Variants in BICC1 observed in about 807,000 individuals in gnomAD.
The protein encoded by BICC1 is protein bicaudal C homolog 1.
Under a neutral mutation model 111.0 loss-of-function variants are expected in BICC1, and 43 were observed. The observed-to-expected ratio is 0.39, with a 90% CI of 0.30 to 0.50. The LOEUF is 0.50. BICC1 is among the 20% of genes least tolerant of loss of function. BICC1 has a pLI of 0.88. For synonymous variants in BICC1, 467 were observed against 434.4 expected (o/e 1.07, Z -0.93); for missense variants, 1,091 against 1,203.2 (o/e 0.91, Z 1.38).
intron 2 of BICC1, among the ~76,000 whole-genome samples, chr10:58,679,570 G>C (rs1839450878): frequency 6.6e-6 from 1 of 152,084 alleles, no homozygotes; most frequent in Non-Finnish European, 1.5e-5. Flanking sequence ...AAAAAGCCCA[G>C]GACCAGATGG....
chr10:58,758,013 A>G (rs1842193015), intron 3 of BICC1, among the ~76,000 whole-genome samples: 1 of 152,218 alleles, frequency 6.6e-6, no homozygotes, highest in South Asian at 2.1e-4. Flanking sequence ...GCCATTCTGC[A>G]TAAGACATAA....
At chr10:58,612,621 A>C (rs1845467580) in intron 1 of BICC1, among the ~76,000 whole-genome samples, 2 of 150,432 alleles carry the variant, frequency 1.3e-5, no homozygotes, top group Admixed American at 6.6e-5. Context: ...AAAAAGATGG[A>C]GAGGAATGCC....
chr10:58,557,796 A>G (rs1431296502), intron 1 of BICC1, among the ~76,000 whole-genome samples: 1 of 152,058 alleles, frequency 6.6e-6, no homozygotes, highest in African/African-American at 2.4e-5. Context: ...CTGTTATTCT[A>G]ACATGTAACA....
intron 3 of BICC1, among the ~76,000 whole-genome samples, chr10:58,770,556 A>T (rs1842596221): frequency 1.3e-5 from 2 of 152,156 alleles, no homozygotes; most frequent in African/African-American, 4.8e-5. Flanking sequence ...CTTTATGAGG[A>T]TGGTACCAAC....
chr10:58,825,623 G>C (rs1313364849), intron 20 of BICC1, among the ~76,000 whole-genome samples: 1 of 152,234 alleles, frequency 6.6e-6, no homozygotes, highest in Admixed American at 6.5e-5. Flanking sequence ...GTTATATACA[G>C]TACTGCTGTA....
intron 19 of BICC1, among the ~76,000 whole-genome samples, chr10:58,819,400 C>T (rs914521838): frequency 6.6e-6 from 1 of 152,060 alleles, no homozygotes; most frequent in Non-Finnish European, 1.5e-5. Flanking sequence ...AAAAGTTTTA[C>T]CTGTTTATGG....
intron 2 of BICC1, among the ~76,000 whole-genome samples, chr10:58,656,427 G>T (rs920128155): frequency 2.0e-5 from 3 of 150,600 alleles, no homozygotes; most frequent in African/African-American, 7.3e-5. Flanking sequence ...TATCCTTGAT[G>T]AACATTGATG....
intron 15 of BICC1, among the ~76,000 whole-genome samples, chr10:58,803,837 C>T (rs551926790): frequency 6.6e-6 from 1 of 152,164 alleles, no homozygotes; most frequent in Non-Finnish European, 1.5e-5. Flanking sequence ...AGTCTAATTA[C>T]TCAGAATAGA....
intron 14 of BICC1, 105 bp downstream of exon 14, chr10:58,801,151 T>C (rs1843535098): frequency 1.0e-6 from 1 of 990,208 alleles, no homozygotes; most frequent in African/African-American, 1.7e-5. Context: ...TTTGATCTCA[T>C]CCATGGGTGT....
At chr10:58,708,872 C>T (rs1589047072) in intron 3 of BICC1, among the ~76,000 whole-genome samples, 1 of 152,226 alleles carries the variant, frequency 6.6e-6, no homozygotes, top group Non-Finnish European at 1.5e-5. Flanking sequence ...GTTTGCAGCT[C>T]GATTTTACTG....
chr10:58,695,985 G>T (rs953019943), intron 2 of BICC1, among the ~76,000 whole-genome samples: 2 of 152,088 alleles, frequency 1.3e-5, no homozygotes, highest in East Asian at 3.9e-4. Flanking sequence ...AAATGATTCA[G>T]TGTAAATCTC....
At position 58,823,867 on chromosome 10, in the gene BICC1, A is replaced by T. The variant is rs577597073; in HGVS notation, c.2794+3399A>T. ...TTTAAATATATTCAATTCTGTCTTG[A>T]TTTCTGAATTTTGAAGTGCTGTGTT... On this transcript the variant is annotated intron_variant, in intron 20 of 20. Transcript: ENST00000373886. 25 of 985,090 alleles carry T rather than the reference A, an allele frequency of 2.5e-5. No homozygotes were observed. In the South Asian group the frequency reaches 7.0e-4, roughly 28 times the overall value. 61.0% of individuals were successfully genotyped at this position (985,090 alleles called of 1,614,324 possible).
chr10:58,671,941 A>G (rs1839197085), intron 2 of BICC1, among the ~76,000 whole-genome samples: 1 of 151,966 alleles, frequency 6.6e-6, no homozygotes, highest in Non-Finnish European at 1.5e-5. Flanking sequence ...AACAGCCTCG[A>G]GTTTTTCATT....
At chr10:58,613,949 G>A (rs1845519082) in intron 1 of BICC1, among the ~76,000 whole-genome samples, 1 of 152,112 alleles carries the variant, frequency 6.6e-6, no homozygotes, top group South Asian at 2.1e-4. Context: ...TCTGTAAAAT[G>A]AGCATTTTAT....
At chr10:58,559,032 C>T (rs1000592191) in intron 1 of BICC1, among the ~76,000 whole-genome samples, 1 of 151,992 alleles carries the variant, frequency 6.6e-6, no homozygotes, top group African/African-American at 2.4e-5. Flanking sequence ...AATATTCAAA[C>T]CATAGCACTT....
intron 1 of BICC1, among the ~76,000 whole-genome samples, chr10:58,536,209 A>T (rs1593671): frequency 0.46 from 69,570 of 151,302 alleles, 17,036 homozygotes; most frequent in Admixed American, 0.62. Flanking sequence ...ACTCTAGAAC[A>T]AACTGACCTA....
chr10:58,622,513 T>C (rs745415763), intron 2 of BICC1, among the ~76,000 whole-genome samples: 2 of 152,264 alleles, frequency 1.3e-5, no homozygotes, highest in Non-Finnish European at 2.9e-5. Context: ...CCACAGACTA[T>C]GAGTTAGAGT....
intron 2 of BICC1, among the ~76,000 whole-genome samples, chr10:58,693,035 G>A (rs926420002): frequency 4.0e-5 from 6 of 151,728 alleles, no homozygotes; most frequent in African/African-American, 7.3e-5. Context: ...CAACATTCCC[G>A]AAGTGTGATG....
intron 3 of BICC1, among the ~76,000 whole-genome samples, chr10:58,769,398 G>GTATATATATATATATATATA (rs1464928653): frequency 9.8e-6 from 1 of 101,644 alleles, no homozygotes; most frequent in Non-Finnish European, 2.3e-5. Context: ...GTGTGTGTGT[G>GTATATATATATATATATATA]TGTGTGTATA....
Sources: gnomAD v4.1 joint callset for allele counts (sites outside exome capture counted in the v4.1 genomes callset) on GRCh38, gnomAD v4.1.1 for gene constraint, MANE v1.5 for transcripts, NCBI Gene and HGNC (gene_info 2026-07-23, HGNC 2026-07-21) for gene names.